Variants in BRDT observed in about 807,000 individuals in gnomAD.
The protein encoded by BRDT is bromodomain testis associated, also known as bromodomain testis-specific protein.
In BRDT, 77 loss-of-function variants were observed where a neutral mutation model predicts 113.9. The ratio of observed to expected loss-of-function variants is 0.68; its 90% CI spans 0.56 to 0.82. The LOEUF (loss-of-function observed/expected upper bound fraction) is 0.82. BRDT is among the 40% of genes least tolerant of loss of function. BRDT has a pLI of 0.00. For synonymous variants in BRDT, 358 were observed against 366.5 expected (o/e 0.98, Z 0.26); for missense variants, 1,027 against 1,105.4 (o/e 0.93, Z 1.01).
intron 12 of BRDT, among the ~76,000 whole-genome samples, chr1:91,986,571 CT>C (rs902590386): frequency 1.3e-5 from 2 of 152,118 alleles, no homozygotes; most frequent in Non-Finnish European, 1.5e-5. Flanking sequence ...ATCCTTTGGA[CT>C]TTTTGCATTT....
At chr1:91,970,932 A>G (rs528960280) in intron 4 of BRDT, among the ~76,000 whole-genome samples, 16 of 148,000 alleles carry the variant, frequency 1.1e-4, no homozygotes, top group East Asian at 2.0e-4. Flanking sequence ...AAAAAAAAAG[A>G]AAAGGAAAGA....
At chr1:91,984,825 T>TCAAACATGTTTCC (rs1685062457) in intron 12 of BRDT, among the ~76,000 whole-genome samples, 1 of 152,020 alleles carries the variant, frequency 6.6e-6, no homozygotes, top group Non-Finnish European at 1.5e-5. Flanking sequence ...GACAAAAATG[T>TCAAACATGTTTCC]ATAGGGTTTC....
intron 4 of BRDT, among the ~76,000 whole-genome samples, chr1:91,974,920 G>A (rs1400184156): frequency 6.6e-6 from 1 of 152,126 alleles, no homozygotes; most frequent in African/African-American, 2.4e-5. Flanking sequence ...AAGAAAATGT[G>A]GCACATATAT....
At chr1:91,961,660 CTT>C (rs977504759) in intron 1 of BRDT, among the ~76,000 whole-genome samples, 3 of 151,962 alleles carry the variant, frequency 2.0e-5, no homozygotes, top group African/African-American at 7.2e-5. Context: ...AAATTAATCA[CTT>C]TTTTCAAATT....
At chr1:92,002,676 G>A (rs1386568216) in intron 16 of BRDT, among the ~76,000 whole-genome samples, 1 of 151,982 alleles carries the variant, frequency 6.6e-6, no homozygotes, top group Non-Finnish European at 1.5e-5. Context: ...CCTTTTGTTT[G>A]TGTTTAATTG....
chr1:91,964,955 G>C (rs976212566), intron 3 of BRDT, among the ~76,000 whole-genome samples, 191 bp downstream of exon 3: 2 of 150,066 alleles, frequency 1.3e-5, no homozygotes, highest in Non-Finnish European at 3.0e-5. Context: ...TGTCACCCAG[G>C]CTGGAGTGCA....
At chr1:91,975,699 T>C (rs7512078) in intron 4 of BRDT, among the ~76,000 whole-genome samples, 10,169 of 152,222 alleles carry the variant, frequency 0.067, 398 homozygotes, top group African/African-American at 0.096. Context: ...TGATGGAAGG[T>C]TGAACTTTTG....
At chr1:91,950,994 C>CTCTA (rs911867419) in intron 1 of BRDT, among the ~76,000 whole-genome samples, 1 of 150,106 alleles carries the variant, frequency 6.7e-6, no homozygotes, top group African/African-American at 2.5e-5. Context: ...GGCCACTGCA[C>CTCTA]TCTAGCCTGG....
intron 4 of BRDT, among the ~76,000 whole-genome samples, chr1:91,971,582 C>G (rs1457595158): frequency 6.6e-6 from 1 of 152,174 alleles, no homozygotes; most frequent in Admixed American, 6.5e-5. Context: ...GTTGATTGAG[C>G]AAATACTTGA....
intron 12 of BRDT, among the ~76,000 whole-genome samples, chr1:91,988,075 CTGACCTGG>C (rs1216126175): frequency 3.3e-5 from 5 of 152,014 alleles, no homozygotes; most frequent in African/African-American, 1.2e-4. Flanking sequence ...TCTGGAACTC[CTGACCTGG>C]TGATCCACCC....
At chr1:92,004,353 TCTTC>T in intron 16 of BRDT, 57 bp from the exon 17 acceptor site, 1 of 1,239,218 alleles carries the variant, frequency 8.1e-7, no homozygotes, top group Non-Finnish European at 1.1e-6. Context: ...AAAAATGTTT[TCTTC>T]CTTCCAAAAT....
chr1:91,991,819 C>T (rs575023318), intron 13 of BRDT, among the ~76,000 whole-genome samples: 9 of 145,788 alleles, frequency 6.2e-5, no homozygotes, highest in Middle Eastern at 3.5e-3. Flanking sequence ...GGTGAAACCC[C>T]GTCTCTACTA....
chr1:91,981,546 G>C, intron 11 of BRDT, 72 bp from the exon 12 acceptor site: 1 of 1,587,562 alleles, frequency 6.3e-7, no homozygotes, highest in Non-Finnish European at 8.6e-7. Context: ...GCCCAGCCTA[G>C]GTGGCAGTTT....
At chr1:91,980,542 T>G in intron 8 of BRDT, 101 bp from the exon 9 acceptor site, 1 of 1,035,790 alleles carries the variant, frequency 9.7e-7, no homozygotes, top group Non-Finnish European at 1.3e-6. Context: ...AGAAATGAAT[T>G]TCACAAAAGA....
chr1:91,977,135 A>G lies in BRDT; in HGVS notation c.711A>G (p.Glu237=), dbSNP rs1255027206. 1 of 1,613,928 alleles carries G rather than the reference A, an allele frequency of 6.2e-7. No homozygotes were observed. Residue 237 remains glutamate, a synonymous_variant, in exon 6 of 19, where the codon GAA becomes GAG. Transcript: ENST00000399546. ...ASSEFSPTFT[E]KSVALPPIKE... ...GTGAATTTTCTCCAACATTCACAGA[A>G]AAATCAGTGGCACTGCCACCTATAA...
chr1:91,989,921 A>G lies in BRDT; in HGVS notation c.2003-1263A>G, dbSNP rs80254080. Among the ~76,000 whole-genome samples, 718 of 152,356 alleles carry G rather than the reference A, an allele frequency of 4.7e-3. 2 individuals are homozygous for G. Among genetic ancestry groups the G allele is most frequent in the African/African-American group, 0.017 (696 of 41,572 alleles). ...ACAGTAACACATCCAGTGGAAACTG[A>G]TGGCTTTTCAGAAGGCAGAAGGTAA... is the stretch of plus-strand genomic sequence containing the variant. On this transcript the variant is annotated intron_variant, in intron 12 of 18. Coordinates refer to ENST00000399546, the MANE Select transcript of BRDT (RefSeq NM_207189.4).
chr1:91,964,434 G>A (rs1490065499), intron 2 of BRDT, among the ~76,000 whole-genome samples, 193 bp from the exon 3 acceptor site: 2 of 152,230 alleles, frequency 1.3e-5, no homozygotes, highest in Non-Finnish European at 2.9e-5. Context: ...GGCCTCAAGT[G>A]ATCCTCCTGC....
intron 1 of BRDT, among the ~76,000 whole-genome samples, chr1:91,951,426 T>C (rs1256641294): frequency 6.6e-6 from 1 of 151,936 alleles, no homozygotes; most frequent in Non-Finnish European, 1.5e-5. Flanking sequence ...ATGTATTTGA[T>C]ACTTTGAAGT....
At chr1:91,973,907 A>C (rs1215361020) in intron 4 of BRDT, among the ~76,000 whole-genome samples, 1 of 152,182 alleles carries the variant, frequency 6.6e-6, no homozygotes, top group African/African-American at 2.4e-5. Context: ...TGCAGTAACC[A>C]AAACAGCATG....
Sources: allele counts gnomAD v4.1 joint callset (sites outside exome capture counted in the v4.1 genomes callset), GRCh38; gene constraint gnomAD v4.1.1; transcripts MANE v1.5; gene names NCBI Gene and HGNC (gene_info 2026-07-23, HGNC 2026-07-21).